The following ARHGEF38 variants were observed in gnomAD, a reference collection of about 807,000 sequenced individuals.
ARHGEF38 encodes the protein Rho guanine nucleotide exchange factor 38.
ARHGEF38 carries 79 observed loss-of-function variants against 79.9 expected under a neutral mutation model. The ratio of observed to expected loss-of-function variants is 0.99; its 90% CI spans 0.82 to 1.19. The LOEUF (loss-of-function observed/expected upper bound fraction) is 1.19. ARHGEF38 is among the 50% of genes most tolerant of loss of function. ARHGEF38 has a pLI of 0.00. For synonymous variants in ARHGEF38, 366 were observed against 328.3 expected (o/e 1.11, Z -1.24); for missense variants, 962 against 907.2 (o/e 1.06, Z -0.78).
chr4:105,651,335 C>T (rs151171327), intron 7 of ARHGEF38, among the ~76,000 whole-genome samples: 96 of 152,314 alleles, frequency 6.3e-4, no homozygotes, highest in African/African-American at 2.1e-3. Flanking sequence ...ATCAATTTTG[C>T]ACTTGTCAGC....
At chr4:105,663,364 A>G (rs960801134) in intron 10 of ARHGEF38, among the ~76,000 whole-genome samples, 9 of 152,204 alleles carry the variant, frequency 5.9e-5, no homozygotes, top group Non-Finnish European at 1.0e-4. Flanking sequence ...TTAAGTGTAC[A>G]TTTCAGTAGT....
At chr4:105,672,006 A>G (rs1489331312) in intron 13 of ARHGEF38, among the ~76,000 whole-genome samples, 2 of 152,088 alleles carry the variant, frequency 1.3e-5, no homozygotes, top group Admixed American at 6.6e-5. Flanking sequence ...GGTGGCCTCT[A>G]CCTCATACTC....
At chr4:105,623,534 C>A (rs1346258211) in intron 3 of ARHGEF38, among the ~76,000 whole-genome samples, 1 of 152,124 alleles carries the variant, frequency 6.6e-6, no homozygotes, top group Non-Finnish European at 1.5e-5. Flanking sequence ...ATCCAGCCAG[C>A]AAAACTTTCA....
chr4:105,555,328 A>T (rs1030708220), intron 1 of ARHGEF38, among the ~76,000 whole-genome samples: 7 of 152,152 alleles, frequency 4.6e-5, no homozygotes, highest in African/African-American at 1.4e-4. Context: ...AAAAGAATCC[A>T]AGTCTGATTA....
chr4:105,655,563 C>T, intron 8 of ARHGEF38, 40 bp from the exon 9 acceptor site: 1 of 1,532,014 alleles, frequency 6.5e-7, no homozygotes, highest in Non-Finnish European at 8.7e-7. Flanking sequence ...ATACTGACCT[C>T]AAAACTTGCC....
intron 2 of ARHGEF38, among the ~76,000 whole-genome samples, chr4:105,612,144 G>A (rs1012282980): frequency 6.6e-6 from 1 of 152,022 alleles, no homozygotes; most frequent in Non-Finnish European, 1.5e-5. Context: ...AAAGGAATGG[G>A]ATCAAAAGAT....
intron 2 of ARHGEF38, among the ~76,000 whole-genome samples, chr4:105,597,232 G>A (rs1018822222): frequency 1.3e-5 from 2 of 152,134 alleles, no homozygotes; most frequent in South Asian, 2.1e-4. Flanking sequence ...TAGATAGGTG[G>A]ATAGATAGAT....
intron 3 of ARHGEF38, among the ~76,000 whole-genome samples, chr4:105,624,235 T>C (rs745864533): frequency 1.3e-5 from 2 of 152,164 alleles, no homozygotes; most frequent in Non-Finnish European, 2.9e-5. Context: ...AAAAAAAATT[T>C]TTACCAGAAT....
chr4:105,592,132 G>T (rs905393964), intron 2 of ARHGEF38, among the ~76,000 whole-genome samples: 23 of 152,186 alleles, frequency 1.5e-4, no homozygotes, highest in African/African-American at 5.5e-4. Flanking sequence ...CTAGCCCACT[G>T]TGTCTATGTA....
intron 6 of ARHGEF38, among the ~76,000 whole-genome samples, chr4:105,646,248 T>C (rs1004249526): frequency 3.9e-5 from 6 of 152,210 alleles, no homozygotes; most frequent in African/African-American, 7.2e-5. Context: ...AAAGTAAATG[T>C]TATGGAGTAA....
intron 13 of ARHGEF38, 96 bp downstream of exon 13, chr4:105,667,799 C>A: frequency 7.2e-7 from 1 of 1,397,100 alleles, no homozygotes; most frequent in Non-Finnish European, 9.5e-7. Flanking sequence ...TGGAAAAGTG[C>A]CAGCTTTGAC....
At position 105,679,335 on chromosome 4, in the gene ARHGEF38, TCAAAG is replaced by T; in HGVS notation, c.*1403_*1407del. On this transcript the variant is annotated 3_prime_UTR_variant, in exon 14 of 14. Transcript: ENST00000420470. ...AACCTTTGACTCAATTGGAGGAATA[TCAAAG>T]CAAACACCCATATTTCCTTTCAGGA... The T allele has an allele frequency of 2.1e-6, 2 of 960,594 alleles. No homozygotes were observed. Among genetic ancestry groups the T allele is most frequent in the South Asian group, 2.7e-5 (2 of 73,252 alleles). The allele number at this position is 960,594 out of a possible 1,614,324, so 59.5% of individuals were successfully genotyped here. A position where few individuals can be genotyped will look rare whatever the true frequency, so the allele number is the denominator to read the frequency against.
Position 105,679,350 on chromosome 4 carries a change from A to C in ARHGEF38, c.*1413A>C, listed in dbSNP as rs991308103. The stretch of plus-strand genomic sequence containing the variant: ...TGGAGGAATATCAAAGCAAACACCC[A>C]TATTTCCTTTCAGGAGGCACACTCT... On this transcript the variant is annotated 3_prime_UTR_variant, in exon 14 of 14. Coordinates refer to ENST00000420470, the MANE Select transcript of ARHGEF38 (RefSeq NM_001242729.2). 3.8e-6 allele frequency: 4 copies of C among 1,049,546 alleles called. No individual in the cohort carries two copies. The East Asian group carries it at 9.5e-5, about 25-fold the overall frequency. 65.0% of individuals were successfully genotyped at this position (1,049,546 alleles called of 1,614,324 possible).
intron 5 of ARHGEF38, among the ~76,000 whole-genome samples, chr4:105,642,042 T>C (rs942674562): frequency 2.0e-5 from 3 of 152,158 alleles, no homozygotes; most frequent in Admixed American, 2.0e-4. Flanking sequence ...GTTTACTTAC[T>C]GTGGGGAGTC....
chr4:105,681,885 G>A (rs1321795515), downstream of ARHGEF38, among the ~76,000 whole-genome samples: 1 of 152,174 alleles, frequency 6.6e-6, no homozygotes, highest in Non-Finnish European at 1.5e-5. Flanking sequence ...CACTAAGTAA[G>A]ATAGCCTTTT....
chr4:105,595,891 T>C (rs903024502), intron 2 of ARHGEF38, among the ~76,000 whole-genome samples: 8 of 152,172 alleles, frequency 5.3e-5, no homozygotes, highest in Non-Finnish European at 8.8e-5. Context: ...ACTGATTCCA[T>C]AGACATGGAA....
intron 9 of ARHGEF38, among the ~76,000 whole-genome samples, chr4:105,656,074 G>C (rs1730310598): frequency 1.3e-5 from 2 of 151,828 alleles, no homozygotes; most frequent in African/African-American, 4.8e-5. Flanking sequence ...CTTTTTTCTG[G>C]GACAGGATCT....
intron 10 of ARHGEF38, among the ~76,000 whole-genome samples, chr4:105,660,366 C>T (rs1456103261): frequency 6.6e-6 from 1 of 151,570 alleles, no homozygotes; most frequent in East Asian, 1.9e-4. Flanking sequence ...ATATACCATT[C>T]TGCACTTGCT....
chr4:105,592,444 ACATTACTAC>A (rs1487551685), intron 2 of ARHGEF38, among the ~76,000 whole-genome samples: 1 of 151,914 alleles, frequency 6.6e-6, no homozygotes, highest in Non-Finnish European at 1.5e-5. Context: ...CAAACTATGG[ACATTACTAC>A]CATTTCTCTC....
Sources: allele counts gnomAD v4.1 joint callset (sites outside exome capture counted in the v4.1 genomes callset), GRCh38; gene constraint gnomAD v4.1.1; transcripts MANE v1.5; gene names NCBI Gene and HGNC (gene_info 2026-07-23, HGNC 2026-07-21).